Variants in VCPIP1 observed in about 807,000 individuals in gnomAD.
VCPIP1 encodes valosin containing protein interacting protein 1, also known as deubiquitinating protein VCPIP1.
Under a neutral mutation model 85.0 loss-of-function variants are expected in VCPIP1, and 8 were observed. The observed-to-expected ratio is 0.09, with a 90% confidence interval of 0.06 to 0.17. The LOEUF (loss-of-function observed/expected upper bound fraction) is 0.17. Among genes scored for constraint, VCPIP1 ranks in the 10% least tolerant of loss-of-function variants. The pLI is 1.00. For missense variants in VCPIP1, 1,070 were observed against 1,486.3 expected, an observed-to-expected ratio of 0.72 and a Z score of 4.61; for synonymous variants, 543 against 544.5, an observed-to-expected ratio of 1.00 and a Z score of 0.04.
At chr8:66,638,978 A>ATATATACATATATATATATATG (rs1563566713) in intron 2 of VCPIP1, among the ~76,000 whole-genome samples, 1 of 136,896 alleles carries the variant, frequency 7.3e-6, no homozygotes, top group African/African-American at 3.1e-5. Flanking sequence ...CTCTATATAT[A>ATATATACATATATATATATATG]TATATATACA....
Position 66,635,176 on chromosome 8 carries a change from A to C in VCPIP1, c.2994T>G (p.Ser998Arg). Residue 998 changes from serine (S) to arginine (R), a missense_variant, in exon 3 of 3, where the codon AGT becomes AGG. Around this residue, in one of 8 missense-constraint regions of VCPIP1, gnomAD observed 255 missense variants for 289.5 expected, o/e 0.88. Coordinates refer to ENST00000310421, the MANE Select transcript of VCPIP1 (RefSeq NM_025054.5). ...CTAGTTTTAATAGCCCATGTGAGGG[A>C]CTTGATTCCCTACTTCTTGTAGTAG... is the stretch of plus-strand genomic sequence containing the variant. ...AEATTRSRES[S>R]PSHGLLKLGS... 1 of 1,614,136 alleles carries C rather than the reference A, an allele frequency of 6.2e-7. No homozygotes were observed. The highest frequency in any genetic ancestry group is 8.5e-7 in the Non-Finnish European group (1 of 1,180,030).
At chr8:66,661,057 T>C (rs1367860542) in intron 1 of VCPIP1, among the ~76,000 whole-genome samples, 5 of 152,042 alleles carry the variant, frequency 3.3e-5, no homozygotes, top group Non-Finnish European at 5.9e-5. Flanking sequence ...AAAAATCTTC[T>C]ACATAATTCA....
In VCPIP1 at chr8:66,629,869, CTT is replaced by C. The variant is rs570127730; in HGVS notation, c.*4630_*4631del. On this transcript the variant is annotated 3_prime_UTR_variant, in exon 3 of 3. Coordinates refer to ENST00000310421, the MANE Select transcript of VCPIP1 (RefSeq NM_025054.5). ...TTGGTTTTTTTTTAAATTGCGCACT[CTT>C]TTTTCACTGGGTCCATTTCATCTAG... The C allele has an allele frequency of 1.3e-5, 2 of 152,142 alleles. No individual in the cohort carries two copies. The highest frequency in any genetic ancestry group is 4.8e-5 in the African/African-American group (2 of 41,502). 9.4% of individuals were successfully genotyped at this position (152,142 alleles called of 1,614,324 possible).
intron 2 of VCPIP1, among the ~76,000 whole-genome samples, chr8:66,636,195 C>T (rs995031143): frequency 7.1e-6 from 1 of 141,678 alleles, no homozygotes; most frequent in Non-Finnish European, 1.5e-5. Flanking sequence ...CGCCGCTATA[C>T]CACTATACTC....
rs1030993141 is a variant in VCPIP1, at chr8:66,634,177, TTAAG to T, written c.*320_*323del. 4.5e-5 allele frequency: 9 copies of T among 198,020 alleles called. No individual in the cohort carries two copies. The highest frequency in any genetic ancestry group is 1.2e-4 in the Admixed American group (2 of 17,236). 12.3% of individuals were successfully genotyped at this position (198,020 alleles called of 1,614,324 possible). ...TAGGCTTTTCAGAAATCAAACGTATTTAAGTAAGAGAATTTTCATGTTGGAAACA... is the reference window on the plus strand; with the variant it reads ...TAGGCTTTTCAGAAATCAAACGTATTTAAGAGAATTTTCATGTTGGAAACA... On this transcript the variant is annotated 3_prime_UTR_variant, in exon 3 of 3. Transcript: ENST00000310421.
chr8:66,658,363 T>A (rs1474986207), intron 1 of VCPIP1, among the ~76,000 whole-genome samples: 2 of 147,812 alleles, frequency 1.4e-5, no homozygotes, highest in East Asian at 2.0e-4. Context: ...AAGAAGAATA[T>A]GCATAAGTAC....
Position 66,634,638 on chromosome 8 carries a change from A to G in VCPIP1, c.3532T>C (p.Cys1178Arg). The change falls in exon 3 of 3, where the codon TGT (cysteine) becomes CGT (arginine). Residue 1178 changes from cysteine to arginine, a missense_variant. Transcript: ENST00000310421. ...GCTGCTCCCAGTGCATCTGCTACAC[A>G]GCCATCAGTTGTTTCTGTATTCAAA... is the stretch of plus-strand genomic sequence containing the variant. ...ENLNTETTDGCVADALGAAFA... is the reference protein window; with the variant it reads ...ENLNTETTDGRVADALGAAFA... 1 of 1,614,216 alleles carries G rather than the reference A, an allele frequency of 6.2e-7. No individual in the cohort carries two copies. The highest frequency in any genetic ancestry group is 1.3e-5 in the African/African-American group (1 of 75,058).
intron 1 of VCPIP1, among the ~76,000 whole-genome samples, chr8:66,653,831 C>T (rs114775520): frequency 0.026 from 4,001 of 152,210 alleles, 185 homozygotes; most frequent in African/African-American, 0.09. Context: ...ACAGATATAC[C>T]TTATATCTGC....
intron 2 of VCPIP1, among the ~76,000 whole-genome samples, chr8:66,640,241 C>G (rs901691785): frequency 6.6e-6 from 1 of 152,154 alleles, no homozygotes; most frequent in Non-Finnish European, 1.5e-5. Flanking sequence ...ATTTTGTGAA[C>G]AGCTAGAATT....
Position 66,665,889 on chromosome 8 carries a change from G to A in VCPIP1, c.1070C>T (p.Pro357Leu). Residue 357 changes from proline (P) to leucine (L), a missense_variant, in exon 1 of 3, where the codon CCC becomes CTC. Pro to Leu is a moderately conservative substitution (Grantham distance 98, BLOSUM62 -3). Around this residue, in one of 8 missense-constraint regions of VCPIP1, gnomAD observed 118 missense variants for 337.1 expected, o/e 0.35. Coordinates refer to ENST00000310421, the MANE Select transcript of VCPIP1 (RefSeq NM_025054.5). The surrounding 1 kb of genome is among the most constrained non-coding windows in gnomAD (Gnocchi z 4.3). Reference sequence around the variant, plus strand: ...AGCAGCCCCTTTTATGCCTACCAAGGGGATATAATGGTTTCTACCGGAGCT... The same window carrying A: ...AGCAGCCCCTTTTATGCCTACCAAGAGGATATAATGGTTTCTACCGGAGCT... Reference protein sequence around the residue: ...WSSSGRNHYIPLVGIKGAALP... With the variant: ...WSSSGRNHYILLVGIKGAALP... 1 of 1,614,156 alleles carries A rather than the reference G, an allele frequency of 6.2e-7. No individual in the cohort carries two copies. Among genetic ancestry groups the A allele is most frequent in the Non-Finnish European group, 8.5e-7 (1 of 1,180,036 alleles).
rs960962655 is a variant in VCPIP1 at position 66,643,843 on chromosome 8, C to T, written c.2797+7615G>A. 3.6e-4 allele frequency among the ~76,000 whole-genome samples: 49 copies of T among 135,606 alleles called. No homozygotes were observed. The Admixed American group carries it at 3.7e-3, about 10-fold the overall frequency. 89.0% of individuals were successfully genotyped at this position (135,606 alleles called of 152,430 possible). ...ACAAACAAAAAAAACCCTATGAATC[C>T]AAATGTTTCTTTGAAAAGATCAACA... On this transcript the variant is annotated intron_variant, in intron 2 of 2. Coordinates refer to ENST00000310421, the MANE Select transcript of VCPIP1 (RefSeq NM_025054.5).
chr8:66,666,811 G>C lies in VCPIP1; in HGVS notation c.148C>G (p.Pro50Ala), dbSNP rs749195169. The C allele has an allele frequency of 1.9e-6, 3 of 1,613,918 alleles. No homozygotes were observed. Among genetic ancestry groups the C allele is most frequent in the South Asian group, 1.1e-5 (1 of 91,074 alleles). ...RDRRILSGSCPDPKCQARLFF... is the reference protein window; with the variant it reads ...RDRRILSGSCADPKCQARLFF... ...AGACGCGCCTGACACTTCGGATCCG[G>C]GCAGCTCCCGGAAAGGATTCTCCGG... is the stretch of plus-strand genomic sequence containing the variant. Residue 50 changes from proline to alanine, a missense_variant, in exon 1 of 3, where the codon CCG becomes GCG. Transcript: ENST00000310421. This position sits in a 1 kb window ranked among gnomAD's most constrained non-coding sequence, Gnocchi z 6.3.
At position 66,635,280 on chromosome 8, in the gene VCPIP1, C is replaced by G; in HGVS notation, c.2890G>C (p.Asp964His). The G allele has an allele frequency of 1.2e-6, 2 of 1,614,162 alleles. No individual in the cohort carries two copies. Among genetic ancestry groups the G allele is most frequent in the South Asian group, 2.2e-5 (2 of 91,088 alleles). ...ASEDRLELCV[D>H]AAGHFPIGPD... is the part of the protein sequence containing the mutation. ...CCAATGGGGAAATGTCCTGCAGCAT[C>G]CACACACAATTCCAGTCTATCTTCA... The change falls in exon 3 of 3, where the codon GAT (aspartate) becomes CAT (histidine). Residue 964 changes from aspartate (D) to histidine (H), a missense_variant. This residue lies in a region of VCPIP1 where 46 missense variants were observed against 95.2 expected (regional missense o/e 0.48). Transcript: ENST00000310421.
At chr8:66,661,087 T>C (rs1329484439) in intron 1 of VCPIP1, among the ~76,000 whole-genome samples, 2 of 152,092 alleles carry the variant, frequency 1.3e-5, no homozygotes, top group Non-Finnish European at 2.9e-5. Context: ...ATAAGCGAAC[T>C]AGAGGAAGAA....
intron 1 of VCPIP1, among the ~76,000 whole-genome samples, chr8:66,661,930 ATTT>A (rs545071912): frequency 6.9e-6 from 1 of 144,434 alleles, no homozygotes; most frequent in South Asian, 2.2e-4. Flanking sequence ...CACCCGGCTT[ATTT>A]TTTTTTTGTA....
chr8:66,634,589 T>G lies in VCPIP1; in HGVS notation c.3581A>C (p.Gln1194Pro). The G allele has an allele frequency of 3.7e-6, 6 of 1,614,220 alleles. No homozygotes were observed. The highest frequency in any genetic ancestry group is 5.1e-6 in the Non-Finnish European group (6 of 1,180,040). Residue 1194 changes from glutamine to proline, a missense_variant, in exon 3 of 3, where the codon CAA becomes CCA. Gln to Pro is a moderately conservative substitution (Grantham distance 76). Coordinates refer to ENST00000310421, the MANE Select transcript of VCPIP1 (RefSeq NM_025054.5). Reference protein sequence around the residue: ...GAAFATRSKAQRGNSVEELEE... With the variant: ...GAAFATRSKAPRGNSVEELEE... ...AAGCTCCTCCACGGAATTTCCCCTT[T>G]GTGCTTTTGACCTTGTGGCAAAGGC... is the stretch of plus-strand genomic sequence containing the variant.
chr8:66,634,797 G>A lies in VCPIP1; in HGVS notation c.3373C>T (p.Arg1125Trp), dbSNP rs1286084764. 6.8e-6 allele frequency: 11 copies of A among 1,614,032 alleles called. No homozygotes were observed. The highest frequency in any genetic ancestry group is 4.0e-5 in the African/African-American group (3 of 74,912). Reference sequence around the variant, plus strand: ...GGTGACTGCTCTGTACTTTGATCCCGAAGGTGCCTGTCCATTGAAGCCTGA... The same window carrying A: ...GGTGACTGCTCTGTACTTTGATCCCAAAGGTGCCTGTCCATTGAAGCCTGA... ...SIQASMDRHLRDQSTEQSPSD... is the reference protein window; with the variant it reads ...SIQASMDRHLWDQSTEQSPSD... Residue 1125 changes from arginine (R) to tryptophan (W), a missense_variant, in exon 3 of 3, where the codon CGG becomes TGG. Physicochemically the swap from Arg to Trp is moderately radical, Grantham distance 101. Transcript: ENST00000310421.
In VCPIP1 at chr8:66,640,299, C is replaced by A. The variant is rs575175203; in HGVS notation, c.2798-4927G>T. ...GCTAAGTATTTATTAGGTACCAGAT[C>A]ATTTGCTAACTGCTATACATCCACC... On this transcript the variant is annotated intron_variant, in intron 2 of 2. Transcript: ENST00000310421. 9.2e-5 allele frequency among the ~76,000 whole-genome samples: 14 copies of A among 152,324 alleles called. No individual in the cohort carries two copies. In the South Asian group the frequency reaches 2.9e-3, roughly 32 times the overall value.
chr8:66,643,572 C>T (rs1810967679), intron 2 of VCPIP1, among the ~76,000 whole-genome samples: 1 of 151,404 alleles, frequency 6.6e-6, no homozygotes, highest in Non-Finnish European at 1.5e-5. Flanking sequence ...CATAGTGACG[C>T]ACACCTCTAA....
Sources: gnomAD v4.1 joint callset for allele counts (sites outside exome capture counted in the v4.1 genomes callset) on GRCh38, gnomAD v4.1.1 for gene constraint, gnomAD v4.1.1 regional missense constraint, Gnocchi (gnomAD v3.1) non-coding constraint, MANE v1.5 for transcripts, NCBI Gene and HGNC (gene_info 2026-07-23, HGNC 2026-07-21) for gene names.